The following ALMS1 variants were observed in gnomAD, a reference collection of about 807,000 sequenced individuals.
The protein encoded by ALMS1 is centrosome-associated protein ALMS1.
In ALMS1, 271 loss-of-function variants were observed where a neutral mutation model predicts 352.2. The ratio of observed to expected loss-of-function variants is 0.77; its 90% CI spans 0.70 to 0.85. ALMS1 has a LOEUF of 0.85. Ranked by LOEUF, ALMS1 falls within the 40% of genes least tolerant of loss-of-function variation. The pLI, the probability that ALMS1 is intolerant of heterozygous loss-of-function variation, is 0.00. For synonymous variants in ALMS1, 1,865 were observed against 1,761.2 expected (o/e 1.06, Z -1.48); for missense variants, 5,445 against 4,870.7 (o/e 1.12, Z -3.51).
intron 21 of ALMS1, among the ~76,000 whole-genome samples, chr2:73,604,284 C>T (rs1558713505): frequency 6.6e-6 from 1 of 152,100 alleles, no homozygotes; most frequent in Non-Finnish European, 1.5e-5. Flanking sequence ...TGTAATCCTA[C>T]CTACTCAGGA....
At chr2:73,447,602 A>G (rs1047715196) in intron 7 of ALMS1, among the ~76,000 whole-genome samples, 1 of 152,146 alleles carries the variant, frequency 6.6e-6, no homozygotes, top group Non-Finnish European at 1.5e-5. Flanking sequence ...GTCTTCTGCC[A>G]GCCTGCAAGA....
intron 7 of ALMS1, among the ~76,000 whole-genome samples, chr2:73,443,168 T>C (rs773123960): frequency 1.3e-5 from 2 of 152,198 alleles, no homozygotes; most frequent in African/African-American, 4.8e-5. Context: ...CTTGATAATG[T>C]CACTTCCTAG....
At chr2:73,608,005 C>A (rs571129971) in intron 21 of ALMS1, among the ~76,000 whole-genome samples, 4 of 152,214 alleles carry the variant, frequency 2.6e-5, no homozygotes, top group African/African-American at 9.6e-5. Context: ...AATTTCCTCT[C>A]TGGAGCCTTT....
At chr2:73,493,029 C>G (rs1286947656) in intron 10 of ALMS1, among the ~76,000 whole-genome samples, 1 of 149,086 alleles carries the variant, frequency 6.7e-6, no homozygotes, top group Non-Finnish European at 1.5e-5. Context: ...AATTTTTAAA[C>G]TCTTCAAAGG....
chr2:73,459,898 T>C (rs75886271), intron 9 of ALMS1, among the ~76,000 whole-genome samples: 2,475 of 152,292 alleles, frequency 0.016, 67 homozygotes, highest in African/African-American at 0.056. Context: ...TTATGCCCTT[T>C]CAGCAGACAA....
intron 7 of ALMS1, among the ~76,000 whole-genome samples, chr2:73,443,657 A>ATG (rs1015572140): frequency 6.6e-6 from 1 of 151,640 alleles, no homozygotes; most frequent in African/African-American, 2.4e-5. Context: ...TAATATATAT[A>ATG]TTTTTGCACC....
chr2:73,596,692 G>A (rs932148455), intron 16 of ALMS1, among the ~76,000 whole-genome samples: 60 of 151,624 alleles, frequency 4.0e-4, no homozygotes, highest in Non-Finnish European at 1.6e-4. Flanking sequence ...GGCTGGTCTC[G>A]AACTCCTGAG....
At chr2:73,464,370 A>G (rs1263545811) in intron 9 of ALMS1, among the ~76,000 whole-genome samples, 1 of 152,264 alleles carries the variant, frequency 6.6e-6, no homozygotes, top group Non-Finnish European at 1.5e-5. Context: ...ATAGATGCAG[A>G]AAAGGCCTTT....
chr2:73,530,775 G>A lies in ALMS1; in HGVS notation c.9782-4049G>A, dbSNP rs536284964. 2.0e-5 allele frequency among the ~76,000 whole-genome samples: 3 copies of A among 152,342 alleles called. No individual in the cohort carries two copies. The East Asian group carries it at 5.8e-4, about 29-fold the overall frequency. On this transcript the variant is annotated intron_variant, in intron 11 of 22. Transcript: ENST00000613296. ...TATATCCTCTGAAATCTAGGTGGAG[G>A]CTCCCAAAGTTCAACTCTTGTCTTC...
chr2:73,508,041 A>G (rs961446602), intron 10 of ALMS1, among the ~76,000 whole-genome samples: 2 of 152,100 alleles, frequency 1.3e-5, no homozygotes, highest in African/African-American at 4.8e-5. Flanking sequence ...TTTAGCCAGT[A>G]GTCATTCAGG....
chr2:73,504,958 G>A (rs1222047653), intron 10 of ALMS1, among the ~76,000 whole-genome samples: 3 of 152,096 alleles, frequency 2.0e-5, no homozygotes, highest in Non-Finnish European at 1.5e-5. Flanking sequence ...CCACTTATGA[G>A]TGAGAACATG....
intron 9 of ALMS1, among the ~76,000 whole-genome samples, chr2:73,467,916 C>T (rs1457377018): frequency 6.6e-6 from 1 of 151,958 alleles, no homozygotes; most frequent in Non-Finnish European, 1.5e-5. Context: ...ATGGTTACCT[C>T]TGGTGGAGTC....
intron 10 of ALMS1, among the ~76,000 whole-genome samples, chr2:73,513,079 A>C (rs940570917): frequency 2.0e-5 from 3 of 152,070 alleles, no homozygotes; most frequent in Non-Finnish European, 4.4e-5. Flanking sequence ...TGTGCTTTAT[A>C]TAACGAATTC....
At position 73,460,819 on chromosome 2, in the gene ALMS1, G is replaced by A. The variant is rs1055296929; in HGVS notation, c.7674+5524G>A. ...CCGCACATGGCTCGGAGGGTCCTAC[G>A]CCCACAGAGTCTCGCTGATTGCTAG... On this transcript the variant is annotated intron_variant, in intron 9 of 22. Coordinates refer to ENST00000613296, the MANE Select transcript of ALMS1 (RefSeq NM_001378454.1). Among the ~76,000 whole-genome samples, 3 of 152,358 alleles carry A rather than the reference G, an allele frequency of 2.0e-5. No individual in the cohort carries two copies. The East Asian group carries it at 5.8e-4, about 29-fold the overall frequency.
intron 9 of ALMS1, among the ~76,000 whole-genome samples, chr2:73,461,240 C>T (rs1282153650): frequency 1.3e-5 from 2 of 152,222 alleles, no homozygotes; most frequent in East Asian, 1.9e-4. Context: ...TGAGACAAAA[C>T]TTCCAGAGGA....
chr2:73,464,778 C>A (rs1370592834), intron 9 of ALMS1, among the ~76,000 whole-genome samples: 3 of 152,148 alleles, frequency 2.0e-5, no homozygotes, highest in Non-Finnish European at 4.4e-5. Context: ...GTACAAAAAT[C>A]ACAAGCATTC....
rs530880004 is a variant in ALMS1 at position 73,479,651 on chromosome 2, T to A, written c.7675-9983T>A. On this transcript the variant is annotated intron_variant, in intron 9 of 22. Coordinates refer to ENST00000613296, the MANE Select transcript of ALMS1 (RefSeq NM_001378454.1). ...AGGACATCTTGGTTGTTTCCCAGTT[T>A]TTGGCTTTACCAGTACAGCTGCTGT... Among the ~76,000 whole-genome samples the A allele has an allele frequency of 1.4e-4, 21 of 152,340 alleles. No individual in the cohort carries two copies. In the South Asian group the frequency reaches 4.4e-3, roughly 32 times the overall value.
chr2:73,513,238 T>C (rs1673488414), intron 10 of ALMS1, among the ~76,000 whole-genome samples: 1 of 151,978 alleles, frequency 6.6e-6, no homozygotes, highest in African/African-American at 2.4e-5. Flanking sequence ...TCAACATGTA[T>C]AGCACCCCTC....
chr2:73,602,173 T>G lies in ALMS1; in HGVS notation c.12115-12T>G, dbSNP rs770653629. 6.2e-7 allele frequency: 1 copy of G among 1,612,200 alleles called. No homozygotes were observed. Reference sequence around the variant, plus strand: ...CTGAGGCTGGGCATTTTCTCTTTTTTTTTTCTTTTAGGAATCGCTTCAGTT... The same window carrying G: ...CTGAGGCTGGGCATTTTCTCTTTTTGTTTTCTTTTAGGAATCGCTTCAGTT... On this transcript the variant is annotated splice_polypyrimidine_tract_variant and intron_variant, in intron 19 of 22. Coordinates refer to ENST00000613296, the MANE Select transcript of ALMS1 (RefSeq NM_001378454.1).
Sources: allele counts gnomAD v4.1 joint callset (sites outside exome capture counted in the v4.1 genomes callset), GRCh38; gene constraint gnomAD v4.1.1; transcripts MANE v1.5; gene names NCBI Gene and HGNC (gene_info 2026-07-23, HGNC 2026-07-21).